Variants in ZFP64 observed in about 807,000 individuals in gnomAD.
ZFP64 encodes the protein zinc finger protein 64.
Under a neutral mutation model 51.6 loss-of-function variants are expected in ZFP64, and 14 were observed. The observed-to-expected ratio is 0.27, with a 90% CI of 0.18 to 0.42. The LOEUF is 0.42. Among genes scored for constraint, ZFP64 ranks in the 10% least tolerant of loss-of-function variants. The pLI is 1.00. For missense variants in ZFP64, 754 were observed against 906.8 expected (o/e 0.83, Z 2.16); for synonymous variants, 375 against 361.4 (o/e 1.04, Z -0.43).
chr20:52,154,086 C>A (rs758739047), intron 5 of ZFP64, among the ~76,000 whole-genome samples: 1 of 152,088 alleles, frequency 6.6e-6, no homozygotes, highest in Non-Finnish European at 1.5e-5. Context: ...AGTGAAATTG[C>A]AAACATCTGA....
intron 5 of ZFP64, among the ~76,000 whole-genome samples, chr20:52,099,024 C>T (rs907705493): frequency 8.9e-6 from 1 of 112,682 alleles, no homozygotes; most frequent in Admixed American, 8.6e-5. Flanking sequence ...AAAAAAAAAG[C>T]AAGCCATGTA....
At chr20:52,093,244 G>A (rs918791987) in intron 7 of ZFP64, among the ~76,000 whole-genome samples, 12 of 152,206 alleles carry the variant, frequency 7.9e-5, no homozygotes, top group South Asian at 2.1e-4. Context: ...AGGTTCAAGC[G>A]ATTCTCCTGC....
At chr20:52,084,753 C>A in exon 9 of ZFP64, 4 of 1,614,242 alleles carry the variant, frequency 2.5e-6, no homozygotes, top group Non-Finnish European at 3.4e-6. Context: ...GGTCTCACAG[C>A]GGAAGGCCCT....
At chr20:52,099,160 A>G (rs1197849111) in intron 5 of ZFP64, among the ~76,000 whole-genome samples, 1 of 152,190 alleles carries the variant, frequency 6.6e-6, no homozygotes. Flanking sequence ...TACTTCTTAA[A>G]TGGCATGAAG....
At chr20:52,106,662 C>A (rs1446858480) in intron 5 of ZFP64, among the ~76,000 whole-genome samples, 1 of 152,104 alleles carries the variant, frequency 6.6e-6, no homozygotes, top group Non-Finnish European at 1.5e-5. Flanking sequence ...GGTTGTGAAT[C>A]GACTTGGGAA....
At chr20:52,163,045 G>A (rs1004632730) in intron 4 of ZFP64, among the ~76,000 whole-genome samples, 4 of 152,076 alleles carry the variant, frequency 2.6e-5, no homozygotes, top group African/African-American at 7.2e-5. Context: ...CTTTTACAAC[G>A]CTTTCTCTAT....
chr20:52,110,978 T>G (rs1978533424), intron 5 of ZFP64: 1 of 1,499,990 alleles, frequency 6.7e-7, no homozygotes, highest in African/African-American at 1.4e-5. Context: ...AACCTGCTTT[T>G]GGGAATGACC....
chr20:52,152,635 C>G lies in ZFP64; in HGVS notation c.1557G>C (p.Val519=). Residue 519 remains valine, a synonymous_variant, in exon 6 of 6, where the codon GTG becomes GTC. Transcript: ENST00000216923. ...CCACCAAGGCAGGCGGGACGATGTT[C>G]ACTGCAGCGGCGGCAGCCTGGACGA... is the stretch of plus-strand genomic sequence containing the variant. The part of the protein sequence containing the change: ...NTIVQAAAAA[V]NIVPPALVAQ... 6.5e-7 allele frequency: 1 copy of G among 1,533,782 alleles called. No individual in the cohort carries two copies. The highest frequency in any genetic ancestry group is 1.8e-4 in the Middle Eastern group (1 of 5,680).
rs753323030 is a variant in ZFP64 at position 52,152,539 on chromosome 20, G to C, written c.1653C>G (p.Pro551=). ...QILRQVSLIA[P]PQSSRCPSEA... is the part of the protein sequence containing the mutation. ...CGCTCGGACACCGCGAGGACTGAGG[G>C]GGGGCGATCAGACTGACCTGGCGCA... The change falls in exon 6 of 6, where the codon CCC becomes CCG. Residue 551 remains proline, a synonymous_variant. Coordinates refer to ENST00000216923, the MANE Select transcript of ZFP64 (RefSeq NM_018197.3). 13 of 1,587,320 alleles carry C rather than the reference G, an allele frequency of 8.2e-6. No homozygotes were observed. In the East Asian group the frequency reaches 2.2e-4, roughly 27 times the overall value.
intron 5 of ZFP64, among the ~76,000 whole-genome samples, chr20:52,129,502 T>C (rs984287646): frequency 2.6e-5 from 4 of 152,104 alleles, no homozygotes; most frequent in Non-Finnish European, 5.9e-5. Flanking sequence ...AGCAAAAATG[T>C]TCCAATTACA....
rs1251645903 is a variant in ZFP64 at position 52,152,341 on chromosome 20, T to TA, written c.1850dup (p.Asn618LysfsTer78). 1 of 1,614,056 alleles carries TA rather than the reference T, an allele frequency of 6.2e-7. No homozygotes were observed. Among genetic ancestry groups the TA allele is most frequent in the African/African-American group, 1.3e-5 (1 of 74,918 alleles). On this transcript the variant is annotated frameshift_variant, in exon 6 of 6. Transcript: ENST00000216923. LOFTEE classifies it high-confidence loss of function. Reference sequence around the variant, plus strand: ...CTGTCCCCTCCTGAATCAAGGCGTTTAGGCCTTCAAAGTCAGTGCAAGTAA... The same window carrying TA: ...CTGTCCCCTCCTGAATCAAGGCGTTTAAGGCCTTCAAAGTCAGTGCAAGTAA...
intron 2 of ZFP64, chr20:52,176,015 G>GA: frequency 1.0e-6 from 1 of 978,652 alleles, no homozygotes; most frequent in Non-Finnish European, 1.2e-6. Flanking sequence ...TGCCCTGTTG[G>GA]AAGCCCTGAC....
At chr20:52,105,057 G>A (rs1444655617) in intron 5 of ZFP64, 3 of 1,389,974 alleles carry the variant, frequency 2.2e-6, no homozygotes, top group Non-Finnish European at 2.8e-6. Context: ...CCCGGTCCTC[G>A]TACCCGCGCG....
At chr20:52,101,208 A>G (rs2079046435) in intron 5 of ZFP64, among the ~76,000 whole-genome samples, 1 of 152,076 alleles carries the variant, frequency 6.6e-6, no homozygotes, top group African/African-American at 2.4e-5. Flanking sequence ...CAGTAGTCCT[A>G]CTCCCAATGT....
chr20:52,085,139 G>A lies in ZFP64; in HGVS notation c.1356C>T (p.Thr452=). 1 of 1,614,236 alleles carries A rather than the reference G, an allele frequency of 6.2e-7. No homozygotes were observed. The highest frequency in any genetic ancestry group is 8.5e-7 in the Non-Finnish European group (1 of 1,180,050). Reference sequence around the variant, plus strand: ...TGTGCGATTTGAGATTCGCCTTCATGGTGCAGCGGACGTCGCAGAACTCGC... The same window carrying A: ...TGTGCGATTTGAGATTCGCCTTCATAGTGCAGCGGACGTCGCAGAACTCGC... The change falls in exon 9 of 9, where the codon ACC becomes ACT. Residue 452 remains threonine, a synonymous_variant. Coordinates refer to the ZFP64 transcript ENST00000361387. The surrounding 1 kb of genome is among the most constrained non-coding windows in gnomAD (Gnocchi z 4.3).
intron 5 of ZFP64, among the ~76,000 whole-genome samples, chr20:52,121,922 C>T (rs1219716815): frequency 1.3e-5 from 2 of 152,100 alleles, no homozygotes; most frequent in Admixed American, 6.5e-5. Flanking sequence ...ATCCTAAGGC[C>T]CTTAAGAATG....
At chr20:52,175,875 C>CAA in intron 2 of ZFP64, 8 of 965,626 alleles carry the variant, frequency 8.3e-6, no homozygotes, top group Non-Finnish European at 8.6e-6. Context: ...CCCCCGCCCC[C>CAA]AAAATAATTC....
chr20:52,100,892 T>TG (rs2122767103), intron 5 of ZFP64, among the ~76,000 whole-genome samples: 1 of 152,318 alleles, frequency 6.6e-6, no homozygotes, highest in African/African-American at 2.4e-5. Flanking sequence ...TAAATACAAT[T>TG]GCGTGGCTTC....
At chr20:52,146,689 C>A (rs551864422), downstream of ZFP64, among the ~76,000 whole-genome samples, 12 of 152,242 alleles carry the variant, frequency 7.9e-5, no homozygotes, top group South Asian at 2.5e-3. Context: ...TGTAACTAAC[C>A]TGCACATTGT....
Sources: allele counts gnomAD v4.1 joint callset (sites outside exome capture counted in the v4.1 genomes callset), GRCh38; gene constraint gnomAD v4.1.1; non-coding constraint Gnocchi (gnomAD v3.1); transcripts MANE v1.5; gene names NCBI Gene and HGNC (gene_info 2026-07-23, HGNC 2026-07-21).